Variants in RERE observed in about 807,000 individuals in gnomAD.
The protein encoded by RERE is arginine-glutamic acid dipeptide repeats protein.
RERE carries 40 observed loss-of-function variants against 146.1 expected under a neutral mutation model. The ratio of observed to expected loss-of-function variants is 0.27; its 90% CI spans 0.21 to 0.36. The LOEUF (loss-of-function observed/expected upper bound fraction) is 0.36, where lower values mean the gene tolerates loss of function less well. Ranked by LOEUF, RERE falls within the 10% of genes least tolerant of loss-of-function variation. The probability of loss-of-function intolerance (pLI) is 1.00; values close to 1 mark genes in which losing one functional copy is unlikely to be tolerated. For missense variants in RERE, 1,933 were observed against 2,138.7 expected (o/e 0.90, Z 1.90); for synonymous variants, 1,003 against 866.0 (o/e 1.16, Z -2.78).
At chr1:8,398,694 C>T (rs970449552) in intron 12 of RERE, among the ~76,000 whole-genome samples, 2 of 152,130 alleles carry the variant, frequency 1.3e-5, no homozygotes, top group African/African-American at 4.8e-5. Context: ...CCAGAAAATA[C>T]GCAGCCTAAA....
At chr1:8,598,979 T>TC (rs1164807204) in intron 4 of RERE, among the ~76,000 whole-genome samples, 1 of 152,022 alleles carries the variant, frequency 6.6e-6, no homozygotes, top group Non-Finnish European at 1.5e-5. Flanking sequence ...GCTGCAAACA[T>TC]CCCCCAGCAG....
chr1:8,529,178 ATAACTCCTCTTTG>A (rs1645606943), intron 7 of RERE, among the ~76,000 whole-genome samples: 21 of 152,176 alleles, frequency 1.4e-4, no homozygotes, highest in Admixed American at 1.4e-3. Context: ...TACTAGTCTC[ATAACTCCTCTTTG>A]AATTATGAAT....
chr1:8,549,846 A>G (rs531838399), intron 6 of RERE, among the ~76,000 whole-genome samples: 162 of 152,348 alleles, frequency 1.1e-3, no homozygotes, highest in African/African-American at 3.8e-3. Context: ...AGAAAAGCCA[A>G]ATTGAGGGAC....
At chr1:8,643,293 C>T (rs1461613681) in intron 2 of RERE, among the ~76,000 whole-genome samples, 2 of 152,160 alleles carry the variant, frequency 1.3e-5, no homozygotes, top group African/African-American at 2.4e-5. Context: ...CAAAGATTGA[C>T]CTTTCAACAT....
rs1258889713 is a variant in RERE, at chr1:8,356,998, C to T, written c.4340-752G>A. On this transcript the variant is annotated intron_variant, in intron 20 of 22. Coordinates refer to ENST00000400908, the MANE Select transcript of RERE (RefSeq NM_001042681.2). The surrounding 1 kb of genome is among the most constrained non-coding windows in gnomAD (Gnocchi z 5.2). ...CATCTCCTCCATGTTTCTGCTACCT[C>T]CTCAGCGGACCTCTCCTGACGGCCT... 1.3e-5 allele frequency among the ~76,000 whole-genome samples: 2 copies of T among 152,200 alleles called. No individual in the cohort carries two copies. Among genetic ancestry groups the T allele is most frequent in the Admixed American group, 1.3e-4 (2 of 15,286 alleles).
chr1:8,675,495 CAAAAAA>C (rs56912804), intron 1 of RERE, among the ~76,000 whole-genome samples: 13 of 90,222 alleles, frequency 1.4e-4, no homozygotes, highest in African/African-American at 4.6e-4. Context: ...CCCATCTCTA[CAAAAAA>C]AAAAAAAAAA....
intron 2 of RERE, among the ~76,000 whole-genome samples, chr1:8,645,020 T>C (rs906027605): frequency 6.6e-6 from 1 of 152,206 alleles, no homozygotes; most frequent in Non-Finnish European, 1.5e-5. Flanking sequence ...CCCATACCAT[T>C]TTACAAACCA....
At chr1:8,769,931 G>A (rs912317572) in intron 1 of RERE, among the ~76,000 whole-genome samples, 1 of 151,966 alleles carries the variant, frequency 6.6e-6, no homozygotes, top group Non-Finnish European at 1.5e-5. Context: ...TGGGATTCCG[G>A]GCGCACACCA....
chr1:8,461,631 T>C (rs1432333711), intron 11 of RERE, among the ~76,000 whole-genome samples: 9 of 152,148 alleles, frequency 5.9e-5, no homozygotes, highest in Non-Finnish European at 1.0e-4. Flanking sequence ...AGGAACATCA[T>C]ACACGCACAC....
chr1:8,559,170 C>A (rs531544847), intron 4 of RERE, among the ~76,000 whole-genome samples: 51 of 149,300 alleles, frequency 3.4e-4, no homozygotes, highest in African/African-American at 1.2e-3. Flanking sequence ...ATCCCAGCTA[C>A]TCAGGAGGCT....
At chr1:8,649,396 T>A (rs1316642343) in intron 2 of RERE, among the ~76,000 whole-genome samples, 2 of 152,144 alleles carry the variant, frequency 1.3e-5, no homozygotes, top group African/African-American at 4.8e-5. Context: ...AGTCAATAAT[T>A]TTTTTTAATG....
At chr1:8,664,554 G>A (rs767565813) in intron 1 of RERE, among the ~76,000 whole-genome samples, 5 of 151,910 alleles carry the variant, frequency 3.3e-5, no homozygotes, top group Non-Finnish European at 5.9e-5. Flanking sequence ...CAAACCAAAG[G>A]CATACTCTGC....
intron 10 of RERE, among the ~76,000 whole-genome samples, chr1:8,493,671 T>G (rs1645007029): frequency 6.6e-6 from 1 of 152,038 alleles, no homozygotes; most frequent in Non-Finnish European, 1.5e-5. Flanking sequence ...GGACAGATGA[T>G]CTTGAAAGTC....
chr1:8,547,456 A>C (rs928723873), intron 6 of RERE, among the ~76,000 whole-genome samples: 1 of 152,170 alleles, frequency 6.6e-6, no homozygotes, highest in African/African-American at 2.4e-5. Flanking sequence ...AAATACAACA[A>C]ATAAAATTAA....
chr1:8,471,646 C>T (rs768269399), intron 10 of RERE, among the ~76,000 whole-genome samples: 4 of 151,850 alleles, frequency 2.6e-5, no homozygotes, highest in Non-Finnish European at 5.9e-5. Flanking sequence ...CCAAGTAGCT[C>T]AGCTTACAGG....
At chr1:8,758,185 A>C (rs1640682830) in intron 1 of RERE, among the ~76,000 whole-genome samples, 1 of 151,926 alleles carries the variant, frequency 6.6e-6, no homozygotes, top group Non-Finnish European at 1.5e-5. Flanking sequence ...TCCCAGGTTC[A>C]AGCAATTCTC....
At chr1:8,755,567 T>C (rs914976774) in intron 1 of RERE, among the ~76,000 whole-genome samples, 1 of 152,120 alleles carries the variant, frequency 6.6e-6, no homozygotes, top group African/African-American at 2.4e-5. Flanking sequence ...ACAATCCACC[T>C]CTGGGGAGGT....
rs1295185349 is a variant in RERE at position 8,495,078 on chromosome 1, C to G, written c.1089G>C (p.Leu363=). 6.2e-7 allele frequency: 1 copy of G among 1,612,660 alleles called. No homozygotes were observed. The highest frequency in any genetic ancestry group is 1.3e-5 in the African/African-American group (1 of 74,900). ...CVAASRDDTT[L]NALNTLHESG... ...AAAGACTTACTGTGTTCAGTGCATT[C>G]AGAGTGGTGTCATCCCGAGAGGCTG... The change falls in exon 10 of 23, where the codon CTG becomes CTC. Residue 363 remains leucine (L), a synonymous_variant. Coordinates refer to ENST00000400908, the MANE Select transcript of RERE (RefSeq NM_001042681.2).
chr1:8,525,078 A>G (rs1204245867), intron 7 of RERE, among the ~76,000 whole-genome samples: 2 of 152,226 alleles, frequency 1.3e-5, no homozygotes, highest in Non-Finnish European at 2.9e-5. Context: ...AATTTTCCAT[A>G]AGCTCTAAAA....
Sources: gnomAD v4.1 joint callset for allele counts (sites outside exome capture counted in the v4.1 genomes callset) on GRCh38, gnomAD v4.1.1 for gene constraint, Gnocchi (gnomAD v3.1) non-coding constraint, MANE v1.5 for transcripts, NCBI Gene and HGNC (gene_info 2026-07-23, HGNC 2026-07-21) for gene names.